RAB11B: variants seen among roughly 807,000 people sequenced by gnomAD.
The protein encoded by RAB11B is RAB11B, member RAS oncogene family.
In RAB11B, 7 loss-of-function variants were observed where a neutral mutation model predicts 23.7. The observed-to-expected ratio is 0.29, with a 90% confidence interval of 0.17 to 0.55. The LOEUF (loss-of-function observed/expected upper bound fraction) is 0.55. Among genes scored for constraint, RAB11B ranks in the 20% least tolerant of loss-of-function variants. The probability of loss-of-function intolerance (pLI) is 0.93; values close to 1 mark genes in which losing one functional copy is unlikely to be tolerated. For synonymous variants in RAB11B, 138 were observed against 132.0 expected, an observed-to-expected ratio of 1.05 and a Z score of -0.31; for missense variants, 189 against 320.0, an observed-to-expected ratio of 0.59 and a Z score of 3.12.
chr19:8,394,930 C>A, intron 1 of RAB11B, among the ~76,000 whole-genome samples: 1 of 152,104 alleles, frequency 6.6e-6, no homozygotes, highest in Non-Finnish European at 1.5e-5. Context: ...CATCTCAATA[C>A]AAACAAACAA....
rs1432664302 is a variant in RAB11B, at chr19:8,396,291, C to T, written c.41-3572C>T. 1.3e-5 allele frequency among the ~76,000 whole-genome samples: 2 copies of T among 152,158 alleles called. No individual in the cohort carries two copies. The highest frequency in any genetic ancestry group is 2.9e-5 in the Non-Finnish European group (2 of 68,030). The stretch of plus-strand genomic sequence containing the variant: ...CTCTAGGTATGGGGCAGGCGGCATG[C>T]GTGGGAGGCTCTGCCAGCCTTTTTG... On this transcript the variant is annotated intron_variant, in intron 1 of 4. Transcript: ENST00000328024. The surrounding 1 kb of genome is among the most constrained non-coding windows in gnomAD (Gnocchi z 5.0).
chr19:8,394,406 T>C (rs919665133), intron 1 of RAB11B, among the ~76,000 whole-genome samples: 1 of 152,154 alleles, frequency 6.6e-6, no homozygotes, highest in African/African-American at 2.4e-5. Flanking sequence ...CCACCCGCCT[T>C]GGCCTCCCAA....
In RAB11B at chr19:8,393,574, C is replaced by T. The variant is rs116791048; in HGVS notation, c.40+3118C>T. Among the ~76,000 whole-genome samples, 852 of 152,340 alleles carry T rather than the reference C, an allele frequency of 5.6e-3. 10 individuals carry two copies. Among genetic ancestry groups the T allele is most frequent in the African/African-American group, 0.02 (821 of 41,582 alleles). On this transcript the variant is annotated intron_variant, in intron 1 of 4. Transcript: ENST00000328024. ...CACAGTGGGCCTGCTGTTCCAGTTGCTGTTTGGGGACCCAAACATACCATC... is the reference window on the plus strand; with the variant it reads ...CACAGTGGGCCTGCTGTTCCAGTTGTTGTTTGGGGACCCAAACATACCATC...
At chr19:8,394,697 G>A (rs1335797186) in intron 1 of RAB11B, among the ~76,000 whole-genome samples, 1 of 152,136 alleles carries the variant, frequency 6.6e-6, no homozygotes, top group African/African-American at 2.4e-5. Context: ...TTGGAAGGCC[G>A]AGGTGGGTGA....
intron 4 of RAB11B, among the ~76,000 whole-genome samples, chr19:8,403,097 C>T (rs1971451113): frequency 6.6e-6 from 1 of 152,226 alleles, no homozygotes; most frequent in African/African-American, 2.4e-5. Flanking sequence ...GCCCCAGTTC[C>T]TGGGGATGGG....
At chr19:8,403,328 C>CGTA in intron 4 of RAB11B, 85 bp from the exon 5 acceptor site, 1 of 1,525,846 alleles carries the variant, frequency 6.6e-7, no homozygotes, top group Non-Finnish European at 8.9e-7. Flanking sequence ...TGGAGAGGGC[C>CGTA]TCTGGAGTCC....
chr19:8,393,101 G>A (rs921515507), intron 1 of RAB11B, among the ~76,000 whole-genome samples: 16 of 151,614 alleles, frequency 1.1e-4, no homozygotes, highest in African/African-American at 3.1e-4. Context: ...GTTTTCCTTC[G>A]TGAATGTTCT....
intron 1 of RAB11B, among the ~76,000 whole-genome samples, chr19:8,390,920 T>C (rs1971345956): frequency 9.0e-6 from 1 of 110,656 alleles, no homozygotes; most frequent in Non-Finnish European, 1.8e-5. Flanking sequence ...AGGCTTGTCC[T>C]GATTGGGGCA....
In RAB11B at chr19:8,396,661, G is replaced by A. The variant is rs921669949; in HGVS notation, c.41-3202G>A. On this transcript the variant is annotated intron_variant, in intron 1 of 4. Coordinates refer to ENST00000328024, the MANE Select transcript of RAB11B (RefSeq NM_004218.4). This position sits in a 1 kb window ranked among gnomAD's most constrained non-coding sequence, Gnocchi z 5.0. Reference sequence around the variant, plus strand: ...GCCCTGAGGCAGGATCGCACCTGGCGTGTTGGGGGAACAGCATGGAGGCCT... The same window carrying A: ...GCCCTGAGGCAGGATCGCACCTGGCATGTTGGGGGAACAGCATGGAGGCCT... 2.0e-5 allele frequency among the ~76,000 whole-genome samples: 3 copies of A among 149,936 alleles called. No individual in the cohort carries two copies. The highest frequency in any genetic ancestry group is 2.1e-4 in the South Asian group (1 of 4,718).
intron 1 of RAB11B, among the ~76,000 whole-genome samples, chr19:8,390,890 A>G (rs1971345483): frequency 6.9e-6 from 1 of 145,092 alleles, no homozygotes; most frequent in Non-Finnish European, 1.5e-5. Context: ...GCCTGGGCAA[A>G]CGGAGGCGGG....
chr19:8,398,209 G>T (rs1971411108), intron 1 of RAB11B, among the ~76,000 whole-genome samples: 1 of 152,180 alleles, frequency 6.6e-6, no homozygotes, highest in African/African-American at 2.4e-5. Context: ...CAGGGAAAGT[G>T]TTCCTGATGC....
rs1215241016 is a variant in RAB11B at position 8,403,804 on chromosome 19, G to C, written c.*246G>C. The C allele has an allele frequency of 6.0e-6, 3 of 499,458 alleles. No individual in the cohort carries two copies. The highest frequency in any genetic ancestry group is 1.0e-5 in the Non-Finnish European group (3 of 292,736). The allele number at this position is 499,458 out of a possible 1,614,324, so 30.9% of individuals were successfully genotyped here. ...GTCCCCACAGCGTCTTGGCGGGGTG[G>C]GGAGGGCGGCAGGATGGACGGGGCT... On this transcript the variant is annotated 3_prime_UTR_variant, in exon 5 of 5. Coordinates refer to ENST00000328024, the MANE Select transcript of RAB11B (RefSeq NM_004218.4).
At position 8,396,710 on chromosome 19, in the gene RAB11B, G is replaced by T. The variant is rs185242990; in HGVS notation, c.41-3153G>T. Among the ~76,000 whole-genome samples the T allele has an allele frequency of 9.0e-6, 1 of 111,538 alleles. No individual in the cohort carries two copies. Among genetic ancestry groups the T allele is most frequent in the Non-Finnish European group, 1.9e-5 (1 of 53,522 alleles). 73.2% of individuals were successfully genotyped at this position (111,538 alleles called of 152,430 possible). A position where few individuals can be genotyped will look rare whatever the true frequency, so the allele number is the denominator to read the frequency against. The stretch of plus-strand genomic sequence containing the variant: ...CTGTGTGGCTGGAGCAGAGTGAGCC[G>T]GGGGGGGGGCGGGAGGGAGGAGGGG... On this transcript the variant is annotated intron_variant, in intron 1 of 4. Coordinates refer to ENST00000328024, the MANE Select transcript of RAB11B (RefSeq NM_004218.4). This position sits in a 1 kb window ranked among gnomAD's most constrained non-coding sequence, Gnocchi z 5.0.
At chr19:8,398,348 G>A (rs556369367) in intron 1 of RAB11B, among the ~76,000 whole-genome samples, 1 of 152,224 alleles carries the variant, frequency 6.6e-6, no homozygotes, top group African/African-American at 2.4e-5. Context: ...TCCTTTCTGG[G>A]CCAGGGTTTG....
intron 1 of RAB11B, among the ~76,000 whole-genome samples, chr19:8,394,414 C>T (rs1427053637): frequency 1.3e-5 from 2 of 152,210 alleles, no homozygotes; most frequent in Admixed American, 1.3e-4. Flanking sequence ...CTTGGCCTCC[C>T]AAAGTGCTGG....
chr19:8,402,620 C>T (rs753331744), intron 4 of RAB11B, 55 bp downstream of exon 4: 23 of 1,365,078 alleles, frequency 1.7e-5, no homozygotes, highest in Non-Finnish European at 1.9e-5. Flanking sequence ...GGGTGGAACA[C>T]GGCCTCTGAA....
rs372069534 is a variant in RAB11B, at chr19:8,403,339, T to C, written c.512-74T>C. 349 of 1,553,534 alleles carry C rather than the reference T, an allele frequency of 2.2e-4. 2 individuals carry two copies. The highest frequency in any genetic ancestry group is 1.9e-3 in the South Asian group (155 of 82,422). On this transcript the variant is annotated intron_variant, in intron 4 of 4. Coordinates refer to ENST00000328024, the MANE Select transcript of RAB11B (RefSeq NM_004218.4). Reference sequence around the variant, plus strand: ...GGTCTGGAGAGGGCCTCTGGAGTCCTGCAGGGAGGGGTTCCCCTCGGCAGG... The same window carrying C: ...GGTCTGGAGAGGGCCTCTGGAGTCCCGCAGGGAGGGGTTCCCCTCGGCAGG...
chr19:8,390,695 G>A (rs1971341982), intron 1 of RAB11B: 1 of 399,506 alleles, frequency 2.5e-6, no homozygotes, highest in Non-Finnish European at 4.3e-6. Flanking sequence ...CCGGGGCGGG[G>A]CCAGAGCCTA....
chr19:8,403,949 C>T lies in RAB11B; in HGVS notation c.*391C>T, dbSNP rs972427291. The T allele has an allele frequency of 5.6e-6, 1 of 179,022 alleles. No homozygotes were observed. The highest frequency in any genetic ancestry group is 1.2e-5 in the Non-Finnish European group (1 of 85,006). 11.1% of individuals were successfully genotyped at this position (179,022 alleles called of 1,614,324 possible). A position where few individuals can be genotyped will look rare whatever the true frequency, so the allele number is the denominator to read the frequency against. On this transcript the variant is annotated 3_prime_UTR_variant, in exon 5 of 5. Coordinates refer to ENST00000328024, the MANE Select transcript of RAB11B (RefSeq NM_004218.4). ...GGTGGCCCAGCCAGCCCGTCGTCCCCACCCAGAACCGTGCTCTGGGCCAAA... is the reference window on the plus strand; with the variant it reads ...GGTGGCCCAGCCAGCCCGTCGTCCCTACCCAGAACCGTGCTCTGGGCCAAA...
Sources: allele counts gnomAD v4.1 joint callset (sites outside exome capture counted in the v4.1 genomes callset), GRCh38; gene constraint gnomAD v4.1.1; non-coding constraint Gnocchi (gnomAD v3.1); transcripts MANE v1.5; gene names NCBI Gene and HGNC (gene_info 2026-07-23, HGNC 2026-07-21).